The following ADAMTS12 variants were observed in gnomAD, a reference collection of about 807,000 sequenced individuals.
ADAMTS12 encodes the protein ADAM metallopeptidase with thrombospondin type 1 motif 12.
In ADAMTS12, 118 loss-of-function variants were observed where a neutral mutation model predicts 167.8. That is an observed-to-expected ratio of 0.70 (90% CI 0.61 to 0.82). ADAMTS12 has a LOEUF of 0.82. Among genes scored for constraint, ADAMTS12 ranks in the 40% least tolerant of loss-of-function variants. ADAMTS12 has a pLI of 0.00. For missense variants in ADAMTS12, 1,916 were observed against 1,998.8 expected (o/e 0.96, Z 0.79); for synonymous variants, 704 against 716.9 (o/e 0.98, Z 0.29).
At chr5:33,706,290 GT>G (rs989520495) in intron 3 of ADAMTS12, among the ~76,000 whole-genome samples, 1 of 152,100 alleles carries the variant, frequency 6.6e-6, no homozygotes, top group African/African-American at 2.4e-5. Flanking sequence ...AATATTGACA[GT>G]GGGGTGTTAA....
intron 23 of ADAMTS12, among the ~76,000 whole-genome samples, chr5:33,533,760 C>A (rs28100): frequency 0.015 from 2,345 of 152,002 alleles, 67 homozygotes; most frequent in African/African-American, 0.054. Flanking sequence ...GTAGAGCAAA[C>A]CAATCACAGG....
At chr5:33,706,897 A>G (rs1743221684) in intron 3 of ADAMTS12, among the ~76,000 whole-genome samples, 1 of 152,200 alleles carries the variant, frequency 6.6e-6, no homozygotes, top group South Asian at 2.1e-4. Flanking sequence ...CTGGAACAAG[A>G]CAAGTATGCC....
intron 22 of ADAMTS12, among the ~76,000 whole-genome samples, chr5:33,535,583 GT>G (rs1474797594): frequency 6.6e-6 from 1 of 152,156 alleles, no homozygotes; most frequent in African/African-American, 2.4e-5. Context: ...TGCCCATGGG[GT>G]TCACACCCTT....
intron 22 of ADAMTS12, among the ~76,000 whole-genome samples, chr5:33,535,442 C>T (rs1452780098): frequency 2.6e-5 from 4 of 152,100 alleles, no homozygotes; most frequent in Non-Finnish European, 5.9e-5. Context: ...CCATCTAAGG[C>T]TGAAATTTGA....
At chr5:33,768,509 C>T (rs1745626338) in intron 2 of ADAMTS12, among the ~76,000 whole-genome samples, 2 of 152,148 alleles carry the variant, frequency 1.3e-5, no homozygotes, top group South Asian at 4.1e-4. Context: ...AATCATGCAA[C>T]AGAATTGCAT....
intron 16 of ADAMTS12, among the ~76,000 whole-genome samples, chr5:33,598,006 A>G (rs1737994813): frequency 6.6e-6 from 1 of 152,200 alleles, no homozygotes; most frequent in South Asian, 2.1e-4. Context: ...CTGTCTCCAG[A>G]AGGGCACAAA....
intron 2 of ADAMTS12, among the ~76,000 whole-genome samples, chr5:33,870,608 G>A (rs1368580748): frequency 6.6e-6 from 1 of 152,180 alleles, no homozygotes; most frequent in Non-Finnish European, 1.5e-5. Context: ...AATAACGTGA[G>A]ATTTAGGAGG....
Position 33,781,746 on chromosome 5 carries a change from G to A in ADAMTS12, c.490-30198C>T, listed in dbSNP as rs182376797. On this transcript the variant is annotated intron_variant, in intron 2 of 23. Coordinates refer to ENST00000504830, the MANE Select transcript of ADAMTS12 (RefSeq NM_030955.4). ...GTTTTAGGGTACATGTGCACAATGTGCAGGTTAGTTACATATGTATACATG... is the reference window on the plus strand; with the variant it reads ...GTTTTAGGGTACATGTGCACAATGTACAGGTTAGTTACATATGTATACATG... Among the ~76,000 whole-genome samples the A allele has an allele frequency of 7.9e-3, 1,202 of 151,650 alleles. 17 individuals are homozygous for A. Among genetic ancestry groups the A allele is most frequent in the African/African-American group, 0.028 (1,152 of 41,282 alleles).
intron 16 of ADAMTS12, among the ~76,000 whole-genome samples, chr5:33,610,360 T>A (rs1738672998): frequency 6.6e-6 from 1 of 152,234 alleles, no homozygotes; most frequent in Non-Finnish European, 1.5e-5. Context: ...CTTGATTTTT[T>A]AATCACAGCA....
intron 7 of ADAMTS12, among the ~76,000 whole-genome samples, chr5:33,651,675 C>T (rs1579801058): frequency 6.6e-6 from 1 of 152,078 alleles, no homozygotes; most frequent in African/African-American, 2.4e-5. Context: ...TTGGGGGATA[C>T]ATGTGCAGGT....
chr5:33,859,102 G>A (rs1749511959), intron 2 of ADAMTS12, among the ~76,000 whole-genome samples: 1 of 152,212 alleles, frequency 6.6e-6, no homozygotes, highest in African/African-American at 2.4e-5. Context: ...CAGACACTGA[G>A]CTCACGGCAG....
chr5:33,634,809 T>A (rs1463774885), intron 12 of ADAMTS12, among the ~76,000 whole-genome samples: 1 of 152,154 alleles, frequency 6.6e-6, no homozygotes, highest in African/African-American at 2.4e-5. Context: ...AATAATTTTT[T>A]AAAATGAATT....
In ADAMTS12 at chr5:33,749,205, G is replaced by A. The variant is rs973418267; in HGVS notation, c.634+2199C>T. On this transcript the variant is annotated intron_variant, in intron 3 of 23. Transcript: ENST00000504830. ...TGAACCCTCTGTTACACACTGACTG[G>A]GGAGGGAATACCTATTCTAATAGGG... is the stretch of plus-strand genomic sequence containing the variant. 4.6e-5 allele frequency among the ~76,000 whole-genome samples: 7 copies of A among 152,126 alleles called. No individual in the cohort carries two copies. The South Asian group carries it at 6.2e-4, about 14-fold the overall frequency.
intron 19 of ADAMTS12, among the ~76,000 whole-genome samples, chr5:33,574,497 A>G (rs1210950123): frequency 6.6e-6 from 1 of 152,020 alleles, no homozygotes; most frequent in Non-Finnish European, 1.5e-5. Flanking sequence ...TATCACAAGG[A>G]CAAAAAACCA....
At chr5:33,678,108 A>G (rs1474544987) in intron 5 of ADAMTS12, among the ~76,000 whole-genome samples, 2 of 152,194 alleles carry the variant, frequency 1.3e-5, no homozygotes, top group East Asian at 1.9e-4. Flanking sequence ...CAGAGACCCA[A>G]TCTCGGGATT....
intron 2 of ADAMTS12, among the ~76,000 whole-genome samples, chr5:33,827,218 T>C (rs958885547): frequency 6.1e-5 from 4 of 65,838 alleles, no homozygotes; most frequent in Admixed American, 1.4e-4. Flanking sequence ...AAGTCGGTGA[T>C]GGGAAACAGA....
Position 33,552,671 on chromosome 5 carries a change from G to A in ADAMTS12, c.4126-3288C>T, listed in dbSNP as rs963430518. Among the ~76,000 whole-genome samples the A allele has an allele frequency of 4.6e-5, 7 of 152,296 alleles. 1 individual carries two copies. The South Asian group carries it at 6.2e-4, about 14-fold the overall frequency. On this transcript the variant is annotated intron_variant, in intron 20 of 23. Transcript: ENST00000504830. ...GACCCTTAAAATAATTCGAAGATCA[G>A]ATAGTTGTAGGTGTGTGGTCTTATT... is the stretch of plus-strand genomic sequence containing the variant.
chr5:33,584,007 T>C (rs1747207707), intron 18 of ADAMTS12, among the ~76,000 whole-genome samples: 2 of 152,214 alleles, frequency 1.3e-5, no homozygotes, highest in Admixed American at 1.3e-4. Flanking sequence ...AGCTGTCATA[T>C]TGCTACACTT....
intron 5 of ADAMTS12, among the ~76,000 whole-genome samples, chr5:33,670,244 T>A (rs1367511358): frequency 6.6e-6 from 1 of 152,032 alleles, no homozygotes; most frequent in Non-Finnish European, 1.5e-5. Flanking sequence ...CATAAAAAGA[T>A]ACTCAACATT....
Sources: gnomAD v4.1 joint callset for allele counts (sites outside exome capture counted in the v4.1 genomes callset) on GRCh38, gnomAD v4.1.1 for gene constraint, MANE v1.5 for transcripts, NCBI Gene and HGNC (gene_info 2026-07-23, HGNC 2026-07-21) for gene names.